The following GMEB2 variants were observed in gnomAD, a reference collection of about 807,000 sequenced individuals.
GMEB2 encodes glucocorticoid modulatory element binding protein 2.
Under a neutral mutation model 45.7 loss-of-function variants are expected in GMEB2, and 7 were observed. The observed-to-expected ratio is 0.15, with a 90% CI of 0.09 to 0.29. GMEB2 has a LOEUF of 0.29. GMEB2 is among the 10% of genes least tolerant of loss of function. The pLI is 1.00. For missense variants in GMEB2, 582 were observed against 739.2 expected (o/e 0.79, Z 2.47); for synonymous variants, 322 against 323.6 (o/e 1.00, Z 0.05).
chr20:63,588,490 A>AT lies in GMEB2; in HGVS notation c.*1598dup, dbSNP rs144390772. ...GGAGTATGTACATCAAAAGATCAAC[A>AT]TCACGCCGAAACCAGCTGACTGTGA... is the stretch of plus-strand genomic sequence containing the variant. On this transcript the variant is annotated 3_prime_UTR_variant, in exon 10 of 10. Coordinates refer to ENST00000370077, the MANE Select transcript of GMEB2 (RefSeq NM_012384.5). The AT allele has an allele frequency of 8.9e-4, 324 of 362,288 alleles. 1 individual carries two copies. Among genetic ancestry groups the AT allele is most frequent in the African/African-American group, 6.4e-3 (309 of 48,114 alleles). The allele number at this position is 362,288 out of a possible 1,614,324, so 22.4% of individuals were successfully genotyped here. A position where few individuals can be genotyped will look rare whatever the true frequency, so the allele number is the denominator to read the frequency against.
At chr20:63,610,371 A>T (rs957443847) in intron 2 of GMEB2, among the ~76,000 whole-genome samples, 19 of 152,230 alleles carry the variant, frequency 1.2e-4, no homozygotes, top group South Asian at 4.1e-4. Flanking sequence ...AATACAAAAA[A>T]TTAGCCGGGC....
chr20:63,598,324 C>T (rs1293522780), intron 4 of GMEB2, among the ~76,000 whole-genome samples: 3 of 143,360 alleles, frequency 2.1e-5, no homozygotes, highest in African/African-American at 5.1e-5. Flanking sequence ...CAGCAAACAC[C>T]GGCACCTGCT....
chr20:63,623,178 A>G (rs1467473680), intron 1 of GMEB2, among the ~76,000 whole-genome samples: 1 of 152,184 alleles, frequency 6.6e-6, no homozygotes, highest in Non-Finnish European at 1.5e-5. Context: ...GAGGAAAAAA[A>G]ATTTTTACAA....
At chr20:63,618,832 T>C (rs1160279871) in intron 2 of GMEB2, among the ~76,000 whole-genome samples, 2 of 152,180 alleles carry the variant, frequency 1.3e-5, no homozygotes, top group East Asian at 3.9e-4. Context: ...AGCTGGCAGT[T>C]TGGGCAAATG....
intron 1 of GMEB2, among the ~76,000 whole-genome samples, chr20:63,623,288 T>C (rs2146096884): frequency 6.6e-6 from 1 of 152,270 alleles, no homozygotes; most frequent in African/African-American, 2.4e-5. Context: ...GGCTCACAGG[T>C]GAACCCCTCC....
In GMEB2 at chr20:63,590,515, G is replaced by T. The variant is rs780841906; in HGVS notation, c.1167C>A (p.Pro389=). 50 of 1,507,182 alleles carry T rather than the reference G, an allele frequency of 3.3e-5. No individual in the cohort carries two copies. Among genetic ancestry groups the T allele is most frequent in the Non-Finnish European group, 4.3e-5 (48 of 1,123,884 alleles). The allele number at this position is 1,507,182 out of a possible 1,614,324, so 93.4% of individuals were successfully genotyped here. The change falls in exon 10 of 10, where the codon CCC becomes CCA. Residue 389 remains proline (P), a synonymous_variant. Transcript: ENST00000370077. Reference sequence around the variant, plus strand: ...GGGGCACGCTGGTCAGCTGGGGGACGGGCACGCCCGGGCCAAGCGCCAGCT... The same window carrying T: ...GGGGCACGCTGGTCAGCTGGGGGACTGGCACGCCCGGGCCAAGCGCCAGCT... ...SAQLALGPGV[P]VPQLTSVPLG...
intron 9 of GMEB2, among the ~76,000 whole-genome samples, chr20:63,591,569 CA>C (rs1366788370): frequency 6.6e-6 from 1 of 152,144 alleles, no homozygotes; most frequent in African/African-American, 2.4e-5. Flanking sequence ...TGGGCTCAAG[CA>C]ATTGCCTGCC....
chr20:63,619,179 T>C lies in GMEB2; in HGVS notation c.131+88A>G. 1 of 1,284,826 alleles carries C rather than the reference T, an allele frequency of 7.8e-7. No individual in the cohort carries two copies. Among genetic ancestry groups the C allele is most frequent in the Non-Finnish European group, 1.1e-6 (1 of 951,834 alleles). The allele number at this position is 1,284,826 out of a possible 1,614,324, so 79.6% of individuals were successfully genotyped here. On this transcript the variant is annotated intron_variant, in intron 2 of 9. Transcript: ENST00000370077. The surrounding 1 kb of genome is among the most constrained non-coding windows in gnomAD (Gnocchi z 4.6). ...CTGGAACTAGAAAAATCCTGACACT[T>C]GTCCCTTACTACGTTAATGCCAGCT...
intron 2 of GMEB2, among the ~76,000 whole-genome samples, chr20:63,614,376 T>C (rs1278643585): frequency 2.6e-5 from 4 of 152,240 alleles, no homozygotes; most frequent in Admixed American, 6.5e-5. Flanking sequence ...CCTTCTGTTA[T>C]GCCTGGACAG....
chr20:63,599,409 C>T (rs1333844700), intron 4 of GMEB2, among the ~76,000 whole-genome samples: 2 of 152,252 alleles, frequency 1.3e-5, no homozygotes, highest in African/African-American at 2.4e-5. Context: ...CCTATCTCCG[C>T]CTGCAATGCA....
chr20:63,616,914 G>A (rs951398987), intron 2 of GMEB2, among the ~76,000 whole-genome samples: 3 of 151,976 alleles, frequency 2.0e-5, no homozygotes, highest in African/African-American at 2.4e-5. Context: ...GGGGTCTTCA[G>A]GAGATAATTT....
Position 63,603,103 on chromosome 20 carries a change from G to C in GMEB2, c.230-11C>G, listed in dbSNP as rs1369601552. ...CTTCAGCCATCTTCACTTCTCACAG[G>C]CACATTGACAGGGAAGGGTAAAAGC... On this transcript the variant is annotated splice_polypyrimidine_tract_variant and intron_variant, in intron 3 of 9. Transcript: ENST00000370077. 6.2e-7 allele frequency: 1 copy of C among 1,613,594 alleles called. No homozygotes were observed. The highest frequency in any genetic ancestry group is 1.7e-5 in the Admixed American group (1 of 59,972).
In GMEB2 at chr20:63,588,886, G is replaced by A; in HGVS notation, c.*1203C>T. 2 of 398,606 alleles carry A rather than the reference G, an allele frequency of 5.0e-6. No homozygotes were observed. Among genetic ancestry groups the A allele is most frequent in the South Asian group, 1.3e-4 (1 of 7,852 alleles). 24.7% of individuals were successfully genotyped at this position (398,606 alleles called of 1,614,324 possible). On this transcript the variant is annotated 3_prime_UTR_variant, in exon 10 of 10. Coordinates refer to ENST00000370077, the MANE Select transcript of GMEB2 (RefSeq NM_012384.5). Reference sequence around the variant, plus strand: ...GGGGCCTCAGCCTGGTCTTCCTTGTGAGTCCAAGGCCAGGTCTCAGGACAG... The same window carrying A: ...GGGGCCTCAGCCTGGTCTTCCTTGTAAGTCCAAGGCCAGGTCTCAGGACAG...
rs2083166426 is a variant in GMEB2 at position 63,593,330 on chromosome 20, AC to A, written c.620-249del. Among the ~76,000 whole-genome samples, 1 of 152,098 alleles carries A rather than the reference AC, an allele frequency of 6.6e-6. No homozygotes were observed. The highest frequency in any genetic ancestry group is 2.4e-5 in the African/African-American group (1 of 41,420). The stretch of plus-strand genomic sequence containing the variant: ...CAGAAACAAATCCCTTGAACCCGTC[AC>A]CCAATTTCAGCAAATCCTCAACACT... On this transcript the variant is annotated intron_variant, in intron 6 of 9. Transcript: ENST00000370077. This position sits in a 1 kb window ranked among gnomAD's most constrained non-coding sequence, Gnocchi z 4.7.
intron 1 of GMEB2, among the ~76,000 whole-genome samples, chr20:63,622,743 G>A (rs557698362): frequency 6.6e-6 from 1 of 152,186 alleles, no homozygotes; most frequent in Non-Finnish European, 1.5e-5. Flanking sequence ...AGTAACCCTT[G>A]ACCAGAGATC....
chr20:63,604,049 G>A (rs1362574923), intron 3 of GMEB2, among the ~76,000 whole-genome samples: 10 of 84,852 alleles, frequency 1.2e-4, no homozygotes, highest in African/African-American at 4.2e-4. Context: ...GTGAGACTCC[G>A]TCTCAAAAAA....
intron 4 of GMEB2, among the ~76,000 whole-genome samples, chr20:63,599,380 C>A (rs2083225032): frequency 6.6e-6 from 1 of 152,252 alleles, no homozygotes; most frequent in African/African-American, 2.4e-5. Flanking sequence ...CACAGCACAG[C>A]GCTTCCATCT....
chr20:63,619,111 C>T lies in GMEB2; in HGVS notation c.131+156G>A, dbSNP rs1397480527. 1.3e-5 allele frequency among the ~76,000 whole-genome samples: 2 copies of T among 152,200 alleles called. No individual in the cohort carries two copies. Among genetic ancestry groups the T allele is most frequent in the African/African-American group, 2.4e-5 (1 of 41,448 alleles). The stretch of plus-strand genomic sequence containing the variant: ...TCCCCGTGCCATTTCTGCTTTTCTT[C>T]GCTCTCTACTTACACACACATTTGA... On this transcript the variant is annotated intron_variant, in intron 2 of 9. Transcript: ENST00000370077. This position sits in a 1 kb window ranked among gnomAD's most constrained non-coding sequence, Gnocchi z 4.6.
intron 2 of GMEB2, among the ~76,000 whole-genome samples, chr20:63,617,108 G>A (rs142071590): frequency 2.6e-5 from 4 of 151,962 alleles, no homozygotes; most frequent in African/African-American, 9.7e-5. Flanking sequence ...CTGAGTAGCT[G>A]GGACTACAGG....
Sources: gnomAD v4.1 joint callset for allele counts (sites outside exome capture counted in the v4.1 genomes callset) on GRCh38, gnomAD v4.1.1 for gene constraint, Gnocchi (gnomAD v3.1) non-coding constraint, MANE v1.5 for transcripts, NCBI Gene and HGNC (gene_info 2026-07-23, HGNC 2026-07-21) for gene names.